MID1: variants seen among roughly 807,000 people sequenced by gnomAD.
MID1 encodes E3 ubiquitin-protein ligase Midline-1.
A neutral mutation model predicts 40.4 loss-of-function variants in MID1; 7 were observed. The observed-to-expected ratio is 0.17, with a 90% CI of 0.10 to 0.33. The LOEUF (loss-of-function observed/expected upper bound fraction) is 0.33, where lower values mean the gene tolerates loss of function less well. Ranked by LOEUF, MID1 falls within the 10% of genes least tolerant of loss-of-function variation. The pLI, the probability that MID1 is intolerant of heterozygous loss-of-function variation, is 1.00. For missense variants in MID1, 367 were observed against 558.5 expected, an observed-to-expected ratio of 0.66 and a Z score of 3.46; for synonymous variants, 229 against 221.2, an observed-to-expected ratio of 1.04 and a Z score of -0.31.
At chrX:10,648,738 C>G (rs1195839672) in intron 1 of MID1, among the ~76,000 whole-genome samples, 2 of 111,287 alleles carry the variant, frequency 1.8e-5, no homozygotes, top group Non-Finnish European at 3.8e-5. Context: ...CCATTATTTC[C>G]CAGCTTCCCG....
At chrX:10,556,449 A>C (rs1196534543) in intron 2 of MID1, among the ~76,000 whole-genome samples, 1 of 112,100 alleles carries the variant, frequency 8.9e-6, no homozygotes, top group African/African-American at 3.2e-5. Context: ...TAGAAAGGAC[A>C]AATCAAAGTT....
chrX:10,582,856 TACAA>T (rs1223088496), intron 1 of MID1: 3 of 112,131 alleles, frequency 2.7e-5, no homozygotes, highest in African/African-American at 9.7e-5. Flanking sequence ...ACTGGAATGA[TACAA>T]AGAAGATTAG....
intron 1 of MID1, among the ~76,000 whole-genome samples, chrX:10,664,829 A>T (rs2042939475): frequency 8.9e-6 from 1 of 112,255 alleles, no homozygotes; most frequent in Non-Finnish European, 1.9e-5. Context: ...GTCAGGTGAA[A>T]AGTGGGAGAG....
At chrX:10,698,579 T>C (rs1240768638) in intron 1 of MID1, among the ~76,000 whole-genome samples, 1 of 110,421 alleles carries the variant, frequency 9.1e-6, no homozygotes, top group Admixed American at 9.7e-5. Context: ...AGGGAATCAA[T>C]ATCCTCAGTG....
intron 3 of MID1, among the ~76,000 whole-genome samples, chrX:10,502,596 A>T (rs1931611776): frequency 9.0e-6 from 1 of 111,690 alleles, no homozygotes; most frequent in Admixed American, 9.5e-5. Flanking sequence ...TTGCACCATC[A>T]AACTGTGAAC....
intron 8 of MID1, among the ~76,000 whole-genome samples, chrX:10,456,322 A>G (rs896125219): frequency 1.3e-4 from 15 of 112,274 alleles, no homozygotes; most frequent in African/African-American, 4.9e-4. Context: ...AGGGCCTGAC[A>G]GTAAATATTT....
At chrX:10,627,505 C>T (rs915798695) in intron 1 of MID1, among the ~76,000 whole-genome samples, 4 of 111,827 alleles carry the variant, frequency 3.6e-5, no homozygotes, top group Admixed American at 2.8e-4. Flanking sequence ...TTAGAGTAAT[C>T]GAAAACCACC....
At chrX:10,663,616 G>A in intron 1 of MID1, among the ~76,000 whole-genome samples, 1 of 111,223 alleles carries the variant, frequency 9.0e-6, no homozygotes, top group Non-Finnish European at 1.9e-5. Flanking sequence ...TGGAATCTGG[G>A]TTTTAATCCT....
chrX:10,508,656 A>T (rs183765298), intron 3 of MID1, among the ~76,000 whole-genome samples: 8 of 111,680 alleles, frequency 7.2e-5, no homozygotes, highest in Admixed American at 2.9e-4. Context: ...AGGGGTGAGG[A>T]AGATGAGAAA....
chrX:10,580,718 T>C (rs1343457421), intron 1 of MID1, among the ~76,000 whole-genome samples: 1 of 110,736 alleles, frequency 9.0e-6, no homozygotes, highest in Non-Finnish European at 1.9e-5. Flanking sequence ...TTCTCTTTTC[T>C]ATGTTTTGCC....
chrX:10,465,456 T>TATCA lies in MID1; in HGVS notation c.1285+4237_1285+4240dup, dbSNP rs751208676. The stretch of plus-strand genomic sequence containing the variant: ...CAGAATATGGCAAAGGACAAAGGTC[T>TATCA]ATCACTTTTATTACTCCTGTTTTTA... On this transcript the variant is annotated intron_variant, in intron 7 of 9. Coordinates refer to ENST00000317552, the MANE Select transcript of MID1 (RefSeq NM_000381.4). 9.2e-5 allele frequency among the ~76,000 whole-genome samples: 10 copies of TATCA among 109,124 alleles called. No individual in the cohort carries two copies. The East Asian group carries it at 2.6e-3, about 28-fold the overall frequency. 94.8% of individuals were successfully genotyped at this position (109,124 alleles called of 115,157 possible). A position where few individuals can be genotyped will look rare whatever the true frequency, so the allele number is the denominator to read the frequency against.
intron 1 of MID1, among the ~76,000 whole-genome samples, chrX:10,596,059 C>T (rs997866766): frequency 1.8e-5 from 2 of 111,734 alleles, no homozygotes; most frequent in African/African-American, 6.5e-5. Context: ...ATGAATAAAA[C>T]GTGGACGCTG....
chrX:10,477,212 C>T (rs958328750), intron 5 of MID1, among the ~76,000 whole-genome samples: 4 of 112,917 alleles, frequency 3.5e-5, no homozygotes, highest in Admixed American at 9.3e-5. Context: ...TTAGCAGTTT[C>T]CCTGCCCACT....
intron 1 of MID1, among the ~76,000 whole-genome samples, chrX:10,691,033 G>C (rs1455712477): frequency 4.5e-5 from 5 of 111,492 alleles, no homozygotes; most frequent in Non-Finnish European, 9.4e-5. Context: ...GGATCCTCAG[G>C]AGTGTGGGAA....
intron 1 of MID1, among the ~76,000 whole-genome samples, chrX:10,786,853 A>G (rs955179400): frequency 4.7e-5 from 5 of 106,766 alleles, no homozygotes; most frequent in African/African-American, 1.7e-4. Context: ...GCATTAGGAG[A>G]TATACCTAAT....
chrX:10,609,715 CTTTTTTTTT>C (rs138559299), intron 1 of MID1, among the ~76,000 whole-genome samples: 1 of 86,393 alleles, frequency 1.2e-5, no homozygotes, highest in South Asian at 5.0e-4. Flanking sequence ...TTCTTTCTTT[CTTTTTTTTT>C]TTTTTTTTTT....
At chrX:10,810,009 G>T (rs1362422930) in intron 1 of MID1, among the ~76,000 whole-genome samples, 1 of 111,284 alleles carries the variant, frequency 9.0e-6, no homozygotes, top group African/African-American at 3.3e-5. Context: ...TAAAGTTGTG[G>T]TAAAATATTC....
intron 3 of MID1, among the ~76,000 whole-genome samples, chrX:10,496,715 TG>T (rs1931273222): frequency 8.9e-6 from 1 of 112,240 alleles, no homozygotes; most frequent in African/African-American, 3.2e-5. Context: ...TGAGATAAAC[TG>T]GAAGTAGGGT....
intron 1 of MID1, among the ~76,000 whole-genome samples, chrX:10,758,045 C>A (rs1195503324): frequency 9.1e-6 from 1 of 109,328 alleles, no homozygotes; most frequent in Non-Finnish European, 1.9e-5. Flanking sequence ...CGCTTTGCAG[C>A]CTCCACTTCC....
Sources: gnomAD v4.1 joint callset for allele counts (sites outside exome capture counted in the v4.1 genomes callset) on GRCh38, gnomAD v4.1.1 for gene constraint, MANE v1.5 for transcripts, NCBI Gene and HGNC (gene_info 2026-07-23, HGNC 2026-07-21) for gene names.